COL25A1: variants seen among roughly 807,000 people sequenced by gnomAD.
COL25A1 encodes collagen alpha-1(XXV) chain.
In COL25A1, 103 loss-of-function variants were observed where a neutral mutation model predicts 128.4. That is an observed-to-expected ratio of 0.80 (90% CI 0.68 to 0.94). COL25A1 has a LOEUF of 0.94. Among genes scored for constraint, COL25A1 ranks in the 40% least tolerant of loss-of-function variants. The pLI is 0.00. For synonymous variants in COL25A1, 279 were observed against 277.2 expected, an observed-to-expected ratio of 1.01 and a Z score of -0.06; for missense variants, 745 against 840.0, an observed-to-expected ratio of 0.89 and a Z score of 1.40.
intron 8 of COL25A1, among the ~76,000 whole-genome samples, chr4:108,945,867 G>C (rs534484832): frequency 7.8e-4 from 118 of 152,200 alleles, no homozygotes; most frequent in Non-Finnish European, 1.3e-3. Flanking sequence ...GTTTCACCAT[G>C]TTGCCCAGGC....
At chr4:109,130,537 T>C (rs1015534889) in intron 3 of COL25A1, among the ~76,000 whole-genome samples, 1 of 151,848 alleles carries the variant, frequency 6.6e-6, no homozygotes, top group African/African-American at 2.4e-5. Context: ...AGATGAATAT[T>C]TTTATCAGTA....
At chr4:109,226,898 T>C in intron 3 of COL25A1, among the ~76,000 whole-genome samples, 1 of 152,150 alleles carries the variant, frequency 6.6e-6, no homozygotes, top group Admixed American at 6.5e-5. Context: ...TGCATGAGTA[T>C]AGCAGTTGTG....
intron 31 of COL25A1, 135 bp from the exon 32 acceptor site, chr4:108,832,568 G>C (rs1733264480): frequency 1.7e-6 from 1 of 598,520 alleles, no homozygotes; most frequent in Non-Finnish European, 2.9e-6. Context: ...AGTGCTTTAT[G>C]CTTGATTATT....
chr4:108,934,251 G>T (rs1747130415), intron 11 of COL25A1, among the ~76,000 whole-genome samples: 1 of 149,368 alleles, frequency 6.7e-6, no homozygotes, highest in Non-Finnish European at 1.5e-5. Context: ...ACCAGACACT[G>T]CATGTTCTCA....
chr4:109,138,162 G>A (rs1189711561), intron 3 of COL25A1, among the ~76,000 whole-genome samples: 1 of 151,964 alleles, frequency 6.6e-6, no homozygotes, highest in Non-Finnish European at 1.5e-5. Context: ...ACAGACCCTG[G>A]TGTGTGATGT....
chr4:109,228,299 A>G (rs1560900733), intron 3 of COL25A1, among the ~76,000 whole-genome samples: 1 of 152,126 alleles, frequency 6.6e-6, no homozygotes. Context: ...AGTCAAAGTA[A>G]AATTAAGTCC....
intron 16 of COL25A1, among the ~76,000 whole-genome samples, chr4:108,892,647 TC>T (rs1363598147): frequency 6.6e-6 from 1 of 152,214 alleles, no homozygotes; most frequent in African/African-American, 2.4e-5. Flanking sequence ...TTCATTTTTT[TC>T]TTTCTTTCCT....
intron 3 of COL25A1, among the ~76,000 whole-genome samples, chr4:109,168,325 T>C (rs1408972536): frequency 2.0e-5 from 3 of 152,152 alleles, no homozygotes; most frequent in African/African-American, 7.2e-5. Flanking sequence ...ACTGAAGAAA[T>C]ATTACCAAAT....
At chr4:108,842,574 A>C (rs1168164229) in intron 30 of COL25A1, among the ~76,000 whole-genome samples, 1 of 152,176 alleles carries the variant, frequency 6.6e-6, no homozygotes, top group Non-Finnish European at 1.5e-5. Flanking sequence ...TTTATTAAGC[A>C]ATGCCTATAT....
chr4:108,910,261 A>AATTTTAAAT (rs1380456071), intron 13 of COL25A1, among the ~76,000 whole-genome samples: 1 of 152,140 alleles, frequency 6.6e-6, no homozygotes, highest in Admixed American at 6.5e-5. Context: ...TATTAATAGA[A>AATTTTAAAT]ATTTTAAATG....
At position 108,919,713 on chromosome 4, in the gene COL25A1, G is replaced by C. The variant is rs113530403; in HGVS notation, c.735+865C>G. On this transcript the variant is annotated intron_variant, in intron 12 of 37. Transcript: ENST00000399132. ...GCTATTAATATATTTACTGCTATAG[G>C]ATAGGTGTAATTTTGGAAACCCTAG... 5.9e-3 allele frequency among the ~76,000 whole-genome samples: 895 copies of C among 152,072 alleles called. 5 individuals carry two copies. Among genetic ancestry groups the C allele is most frequent in the Non-Finnish European group, 0.011 (721 of 67,990 alleles).
chr4:108,913,754 T>C (rs956032275), intron 13 of COL25A1, among the ~76,000 whole-genome samples: 1 of 152,206 alleles, frequency 6.6e-6, no homozygotes, highest in East Asian at 1.9e-4. Flanking sequence ...TAAACAAAAA[T>C]TGTAGACAGC....
intron 3 of COL25A1, among the ~76,000 whole-genome samples, chr4:109,154,449 C>T (rs1334431612): frequency 6.6e-6 from 1 of 152,150 alleles, no homozygotes; most frequent in Non-Finnish European, 1.5e-5. Flanking sequence ...TGCACAAAAA[C>T]AAACTTTAGT....
At chr4:109,272,708 G>T (rs1462064651) in intron 3 of COL25A1, among the ~76,000 whole-genome samples, 1 of 152,112 alleles carries the variant, frequency 6.6e-6, no homozygotes, top group African/African-American at 2.4e-5. Flanking sequence ...AATGGATCAA[G>T]GCCTAATAGA....
At chr4:109,022,419 G>A (rs1375860174) in intron 5 of COL25A1, among the ~76,000 whole-genome samples, 1 of 152,174 alleles carries the variant, frequency 6.6e-6, no homozygotes, top group Non-Finnish European at 1.5e-5. Context: ...AGAAGAGGTG[G>A]GCTGCTTGAT....
intron 19 of COL25A1, 93 bp from the exon 20 acceptor site, chr4:108,869,243 C>T (rs1401967290): frequency 4.1e-6 from 3 of 726,252 alleles, no homozygotes. Context: ...TCATTTTCTT[C>T]TACTGAGATT....
chr4:109,220,676 T>C (rs1483154169), intron 3 of COL25A1, among the ~76,000 whole-genome samples: 4 of 152,136 alleles, frequency 2.6e-5, no homozygotes, highest in Admixed American at 1.3e-4. Context: ...GTTACTAAGA[T>C]TATAATAATA....
intron 11 of COL25A1, among the ~76,000 whole-genome samples, chr4:108,933,828 C>T (rs1747062066): frequency 1.3e-5 from 2 of 148,890 alleles, no homozygotes; most frequent in South Asian, 4.4e-4. Flanking sequence ...CTACTTTTCT[C>T]CCTACCAGAT....
intron 11 of COL25A1, 94 bp downstream of exon 11, chr4:108,937,714 C>T: frequency 9.6e-7 from 1 of 1,039,822 alleles, no homozygotes; most frequent in Non-Finnish European, 1.4e-6. Flanking sequence ...TTATTATAGT[C>T]TGTCATATGA....
Sources: gnomAD v4.1 joint callset for allele counts (sites outside exome capture counted in the v4.1 genomes callset) on GRCh38, gnomAD v4.1.1 for gene constraint, MANE v1.5 for transcripts, NCBI Gene and HGNC (gene_info 2026-07-23, HGNC 2026-07-21) for gene names.